The following RORB variants were observed in gnomAD, a reference collection of about 807,000 sequenced individuals.
RORB encodes nuclear receptor ROR-beta.
In RORB, 6 loss-of-function variants were observed where a neutral mutation model predicts 59.1. That is an observed-to-expected ratio of 0.10 (90% CI 0.06 to 0.20). RORB has a LOEUF of 0.20. RORB is among the 10% of genes least tolerant of loss of function. The probability of loss-of-function intolerance (pLI) is 1.00; values close to 1 mark genes in which losing one functional copy is unlikely to be tolerated. For synonymous variants in RORB, 215 were observed against 204.5 expected (o/e 1.05, Z -0.44); for missense variants, 320 against 560.5 (o/e 0.57, Z 4.33).
intron 4 of RORB, among the ~76,000 whole-genome samples, chr9:74,657,393 T>C (rs1048994570): frequency 2.6e-5 from 4 of 152,098 alleles, no homozygotes; most frequent in African/African-American, 9.7e-5. Context: ...ACCTCACTTC[T>C]ATCCTCAGTA....
Position 74,572,339 on chromosome 9 carries a change from C to T in RORB, c.8-57943C>T, listed in dbSNP as rs185840396. 6.4e-4 allele frequency among the ~76,000 whole-genome samples: 98 copies of T among 152,132 alleles called. 1 individual carries two copies. Among genetic ancestry groups the T allele is most frequent in the Non-Finnish European group, 3.7e-4 (25 of 67,982 alleles). On this transcript the variant is annotated intron_variant, in intron 1 of 9. Transcript: ENST00000376896. ...GACCAAAGTCACAGGAAATATAATC[C>T]TTATTTGACTATGAACATGTCCCAA...
In RORB at chr9:74,691,553, A is replaced by G. The variant is rs547738900; in HGVS notation, c.*5935A>G. ...AAATAAAAATATTTTTTCAAATGTA[A>G]TTACTTTTAATATATGCTTGTGGAA... On this transcript the variant is annotated 3_prime_UTR_variant, in exon 10 of 10. Coordinates refer to ENST00000376896, the MANE Select transcript of RORB (RefSeq NM_006914.4). 1 of 152,308 alleles carries G rather than the reference A, an allele frequency of 6.6e-6. No individual in the cohort carries two copies. Among genetic ancestry groups the G allele is most frequent in the Admixed American group, 6.5e-5 (1 of 15,294 alleles). The allele number at this position is 152,308 out of a possible 1,614,324, so 9.4% of individuals were successfully genotyped here. A position where few individuals can be genotyped will look rare whatever the true frequency, so the allele number is the denominator to read the frequency against.
chr9:74,505,633 A>T (rs972082076), intron 1 of RORB, among the ~76,000 whole-genome samples: 1 of 152,044 alleles, frequency 6.6e-6, no homozygotes, highest in Non-Finnish European at 1.5e-5. Flanking sequence ...CTCAAAGGGG[A>T]AGTGATGTTT....
intron 1 of RORB, among the ~76,000 whole-genome samples, chr9:74,579,968 C>T (rs1291289797): frequency 6.6e-6 from 1 of 152,086 alleles, no homozygotes; most frequent in Admixed American, 6.6e-5. Flanking sequence ...AGAGATAAAC[C>T]ACATTCATAT....
intron 1 of RORB, among the ~76,000 whole-genome samples, chr9:74,601,604 C>T (rs891270963): frequency 1.3e-5 from 2 of 152,164 alleles, no homozygotes; most frequent in African/African-American, 4.8e-5. Flanking sequence ...CTACTCAATT[C>T]TCTACGATTT....
intron 9 of RORB, among the ~76,000 whole-genome samples, chr9:74,677,290 T>C (rs1824459295): frequency 6.6e-6 from 1 of 152,168 alleles, no homozygotes; most frequent in African/African-American, 2.4e-5. Context: ...TGACCTACTA[T>C]ACCGTGGCCA....
intron 1 of RORB, among the ~76,000 whole-genome samples, chr9:74,602,382 G>T (rs1823079544): frequency 6.6e-6 from 1 of 152,206 alleles, no homozygotes; most frequent in African/African-American, 2.4e-5. Flanking sequence ...TGTTAAAGAT[G>T]CATGCATGAT....
chr9:74,628,671 A>G (rs1011001689), intron 1 of RORB, among the ~76,000 whole-genome samples: 5 of 152,250 alleles, frequency 3.3e-5, no homozygotes, highest in Non-Finnish European at 5.9e-5. Context: ...TTTGTTTTGT[A>G]TATGCAAGAG....
chr9:74,513,449 A>C (rs186850734), intron 1 of RORB, among the ~76,000 whole-genome samples: 1 of 152,116 alleles, frequency 6.6e-6, no homozygotes, highest in Non-Finnish European at 1.5e-5. Context: ...AACCTAATAA[A>C]TATAACATTT....
At chr9:74,675,647 A>G (rs534759189) in intron 9 of RORB, among the ~76,000 whole-genome samples, 1 of 152,346 alleles carries the variant, frequency 6.6e-6, no homozygotes, top group African/African-American at 2.4e-5. Context: ...TCATTGCACT[A>G]TGGTCATTTA....
chr9:74,630,507 T>C (rs1587394146), intron 2 of RORB, 140 bp downstream of exon 2: 1 of 399,788 alleles, frequency 2.5e-6, no homozygotes, highest in East Asian at 4.4e-5. Flanking sequence ...TCTTGCGTGG[T>C]GGGTGGGAGG....
chr9:74,500,299 C>CAT (rs142038444), intron 1 of RORB, among the ~76,000 whole-genome samples: 280 of 152,254 alleles, frequency 1.8e-3, no homozygotes, highest in African/African-American at 6.6e-3. Flanking sequence ...ACTACCTCTT[C>CAT]ATATTTTCCC....
chr9:74,513,739 C>T (rs957307311), intron 1 of RORB, among the ~76,000 whole-genome samples: 2 of 151,990 alleles, frequency 1.3e-5, no homozygotes, highest in African/African-American at 2.4e-5. Flanking sequence ...AGAGTTTATA[C>T]ATTTTCTTTT....
chr9:74,663,279 C>G (rs776762511), intron 6 of RORB, among the ~76,000 whole-genome samples: 4 of 152,032 alleles, frequency 2.6e-5, no homozygotes, highest in Non-Finnish European at 4.4e-5. Context: ...ATAATAATAA[C>G]ATACTCATAA....
chr9:74,593,481 A>AG (rs1159446594), intron 1 of RORB, among the ~76,000 whole-genome samples: 1 of 151,852 alleles, frequency 6.6e-6, no homozygotes, highest in African/African-American at 2.4e-5. Flanking sequence ...AAAAAAAAAA[A>AG]AAACAAAAGA....
intron 1 of RORB, among the ~76,000 whole-genome samples, chr9:74,608,455 T>G (rs1235739907): frequency 6.6e-6 from 1 of 150,958 alleles, no homozygotes; most frequent in Non-Finnish European, 1.5e-5. Context: ...TCCCAGCTAC[T>G]CGGGAGGCTG....
chr9:74,573,922 G>A (rs1822590839), intron 1 of RORB, among the ~76,000 whole-genome samples: 2 of 152,072 alleles, frequency 1.3e-5, no homozygotes, highest in African/African-American at 4.8e-5. Context: ...AAAGCTGCAA[G>A]GGGAAATAAG....
chr9:74,651,022 C>CT (rs769221332), intron 4 of RORB, among the ~76,000 whole-genome samples: 1 of 152,162 alleles, frequency 6.6e-6, no homozygotes, highest in Non-Finnish European at 1.5e-5. Context: ...GAGCAATTTT[C>CT]ATAATGAGAT....
intron 9 of RORB, among the ~76,000 whole-genome samples, chr9:74,679,742 C>G (rs868113416): frequency 1.3e-5 from 2 of 152,020 alleles, no homozygotes; most frequent in African/African-American, 2.4e-5. Context: ...CAAGAGTTGT[C>G]CATCAGATTA....
Sources: gnomAD v4.1 joint callset for allele counts (sites outside exome capture counted in the v4.1 genomes callset) on GRCh38, gnomAD v4.1.1 for gene constraint, MANE v1.5 for transcripts, NCBI Gene and HGNC (gene_info 2026-07-23, HGNC 2026-07-21) for gene names.